CLPTM1: variants seen among roughly 807,000 people sequenced by gnomAD.
CLPTM1 encodes the protein CLPTM1 regulator of GABA type A receptor forward trafficking, also known as putative lipid scramblase CLPTM1.
In CLPTM1, 21 loss-of-function variants were observed where a neutral mutation model predicts 77.3. That is an observed-to-expected ratio of 0.27 (90% confidence interval 0.19 to 0.39). The LOEUF is 0.39. Among genes scored for constraint, CLPTM1 ranks in the 10% least tolerant of loss-of-function variants. CLPTM1 has a pLI of 1.00. For synonymous variants in CLPTM1, 373 were observed against 381.0 expected (o/e 0.98, Z 0.24); for missense variants, 642 against 921.2 (o/e 0.70, Z 3.92).
chr19:44,985,142 G>GGCAGGGGTCCGGGCTCTGGAGGCT, intron 5 of CLPTM1, 76 bp from the exon 6 acceptor site: 1 of 1,005,156 alleles, frequency 9.9e-7, no homozygotes, highest in Non-Finnish European at 1.6e-6. Context: ...GTTGCTGGTG[G>GGCAGGGGTCCGGGCTCTGGAGGCT]GCAGGGGTCC....
rs763558659 is a variant in CLPTM1, at chr19:44,992,961, G to A, written c.*64G>A. ...ACTACCCCTGCGTCCCGGCCCCCTC[G>A]CCTCCCCTCCCTGTCGCCCTTTCCC... On this transcript the variant is annotated 3_prime_UTR_variant, in exon 14 of 14. Transcript: ENST00000337392. The surrounding 1 kb of genome is among the most constrained non-coding windows in gnomAD (Gnocchi z 7.7). 69 of 1,547,138 alleles carry A rather than the reference G, an allele frequency of 4.5e-5. No homozygotes were observed. Among genetic ancestry groups the A allele is most frequent in the South Asian group, 1.0e-4 (9 of 86,806 alleles).
chr19:44,964,298 C>CTTTTTTTTTTTTTTTTTTTTTTTTTTTTT (rs35539206), intron 2 of CLPTM1, among the ~76,000 whole-genome samples: 1 of 68,152 alleles, frequency 1.5e-5, no homozygotes, highest in Non-Finnish European at 2.7e-5. Flanking sequence ...TCATTTTAAC[C>CTTTTTTTTTTTTTTTTTTTTTTTTTTTTT]TTTTTTTTTT....
Position 44,991,506 on chromosome 19 carries a change from G to A in CLPTM1, c.1555+133G>A, listed in dbSNP as rs913059991. 12 of 1,071,536 alleles carry A rather than the reference G, an allele frequency of 1.1e-5. No homozygotes were observed. Among genetic ancestry groups the A allele is most frequent in the Non-Finnish European group, 1.3e-5 (10 of 744,512 alleles). The allele number at this position is 1,071,536 out of a possible 1,614,324, so 66.4% of individuals were successfully genotyped here. A position where few individuals can be genotyped will look rare whatever the true frequency, so the allele number is the denominator to read the frequency against. On this transcript the variant is annotated intron_variant, in intron 12 of 13. Coordinates refer to ENST00000337392, the MANE Select transcript of CLPTM1 (RefSeq NM_001294.4). This position sits in a 1 kb window ranked among gnomAD's most constrained non-coding sequence, Gnocchi z 5.4. ...GCAGAGCTGGGATATAGGGAGGCCC[G>A]AGGGCACACATGGCCCCATCTGGGG...
chr19:44,980,212 G>GAA (rs1445941182), intron 5 of CLPTM1, among the ~76,000 whole-genome samples: 1 of 152,076 alleles, frequency 6.6e-6, no homozygotes, highest in East Asian at 1.9e-4. Flanking sequence ...TGTGAGTTCA[G>GAA]AAAAGCCCCC....
intron 2 of CLPTM1, among the ~76,000 whole-genome samples, chr19:44,966,626 G>C (rs1970633558): frequency 6.7e-6 from 1 of 150,116 alleles, no homozygotes. Context: ...GCCTGGTCAG[G>C]TTATCACCCT....
chr19:44,955,173 T>C (rs1466637727), upstream of CLPTM1: 3 of 1,535,302 alleles, frequency 2.0e-6, no homozygotes, highest in Non-Finnish European at 2.6e-6. Flanking sequence ...GCATACAGTG[T>C]TTTTATTAGG....
chr19:44,986,754 C>T (rs1045710454), intron 7 of CLPTM1, 179 bp downstream of exon 7: 66 of 766,076 alleles, frequency 8.6e-5, no homozygotes, highest in Non-Finnish European at 1.2e-4. Flanking sequence ...ACCACCACCC[C>T]TGGGGACCCC....
upstream of CLPTM1, chr19:44,954,738 C>G: frequency 2.3e-6 from 3 of 1,299,996 alleles, no homozygotes; most frequent in Non-Finnish European, 2.9e-6. Context: ...GCGTGCTAGG[C>G]AGGGCAGTCC....
rs763320743 is a variant in CLPTM1 at position 44,992,544 on chromosome 19, T to TGAG, written c.1724-67_1724-66insGAG. On this transcript the variant is annotated intron_variant, in intron 13 of 13. Coordinates refer to ENST00000337392, the MANE Select transcript of CLPTM1 (RefSeq NM_001294.4). The surrounding 1 kb of genome is among the most constrained non-coding windows in gnomAD (Gnocchi z 7.7). ...GGCCCCGCCCTTGCATCACGCCCTC[T>TGAG]CCACCCAGGCCCACCTGGCTGTGGA... 50 of 1,602,214 alleles carry TGAG rather than the reference T, an allele frequency of 3.1e-5. 1 individual carries two copies. In the East Asian group the frequency reaches 1.1e-3, roughly 36 times the overall value.
intron 5 of CLPTM1, among the ~76,000 whole-genome samples, chr19:44,981,110 G>T (rs1018022447): frequency 6.6e-6 from 1 of 151,442 alleles, no homozygotes; most frequent in South Asian, 2.1e-4. Flanking sequence ...CAAAGCACTG[G>T]GATTACAGGC....
At chr19:44,960,345 G>T (rs1001114977) in intron 1 of CLPTM1, among the ~76,000 whole-genome samples, 2 of 152,164 alleles carry the variant, frequency 1.3e-5, no homozygotes, top group African/African-American at 2.4e-5. Flanking sequence ...CCGTTCTAGT[G>T]TGTTTCCTTC....
intron 2 of CLPTM1, among the ~76,000 whole-genome samples, chr19:44,963,348 C>G (rs1207799851): frequency 7.2e-6 from 1 of 138,240 alleles, no homozygotes; most frequent in Non-Finnish European, 1.5e-5. Flanking sequence ...TTTTTTGAGA[C>G]GGAGTCTCGC....
chr19:44,987,117 G>T, intron 7 of CLPTM1, 62 bp from the exon 8 acceptor site: 2 of 1,562,536 alleles, frequency 1.3e-6, no homozygotes, highest in Non-Finnish European at 1.7e-6. Flanking sequence ...AGACATCTGA[G>T]GCCTGCGGGT....
At chr19:44,982,222 G>A (rs555849818) in intron 5 of CLPTM1, among the ~76,000 whole-genome samples, 7 of 152,062 alleles carry the variant, frequency 4.6e-5, no homozygotes, top group Non-Finnish European at 7.4e-5. Flanking sequence ...GGTGGCTAAC[G>A]CTTGTAATTC....
At chr19:44,963,207 C>CA (rs778157562) in intron 2 of CLPTM1, among the ~76,000 whole-genome samples, 1,520 of 29,024 alleles carry the variant, frequency 0.052, 349 homozygotes, top group African/African-American at 0.13. Flanking sequence ...GACTCCATCT[C>CA]AAAAAAAAAA....
intron 4 of CLPTM1, among the ~76,000 whole-genome samples, chr19:44,975,816 G>C (rs1056733806): frequency 1.2e-4 from 19 of 152,076 alleles, no homozygotes; most frequent in African/African-American, 3.9e-4. Context: ...CACCTACCTT[G>C]GTCTCCCAAA....
At chr19:44,956,769 G>A (rs572544300) in intron 1 of CLPTM1, among the ~76,000 whole-genome samples, 1 of 152,240 alleles carries the variant, frequency 6.6e-6, no homozygotes, top group African/African-American at 2.4e-5. Flanking sequence ...CTTCCAGATG[G>A]CACTCTGATC....
intron 6 of CLPTM1, among the ~76,000 whole-genome samples, chr19:44,985,975 G>A (rs554922948): frequency 7.9e-5 from 12 of 152,228 alleles, no homozygotes; most frequent in African/African-American, 2.2e-4. Context: ...GTCGGTGGCC[G>A]GAAGGGTCCT....
chr19:44,954,952 T>G (rs955427281), upstream of CLPTM1: 4 of 1,531,242 alleles, frequency 2.6e-6, no homozygotes, highest in East Asian at 2.4e-5. Flanking sequence ...GAAAGGTTCC[T>G]CTGACGAAAG....
Sources: gnomAD v4.1 joint callset for allele counts (sites outside exome capture counted in the v4.1 genomes callset) on GRCh38, gnomAD v4.1.1 for gene constraint, Gnocchi (gnomAD v3.1) non-coding constraint, MANE v1.5 for transcripts, NCBI Gene and HGNC (gene_info 2026-07-23, HGNC 2026-07-21) for gene names.